Variants in NIBAN2 observed in about 807,000 individuals in gnomAD.
NIBAN2 encodes the protein niban apoptosis regulator 2.
In NIBAN2, 36 loss-of-function variants were observed where a neutral mutation model predicts 81.8. The observed-to-expected ratio is 0.44, with a 90% CI of 0.34 to 0.58. The LOEUF (loss-of-function observed/expected upper bound fraction) is 0.58. Among genes scored for constraint, NIBAN2 ranks in the 20% least tolerant of loss-of-function variants. The pLI is 0.02. For synonymous variants in NIBAN2, 445 were observed against 441.6 expected (o/e 1.01, Z -0.10); for missense variants, 897 against 1,014.1 (o/e 0.88, Z 1.57).
At chr9:127,541,676 C>T (rs922925009) in intron 1 of NIBAN2, among the ~76,000 whole-genome samples, 2 of 152,102 alleles carry the variant, frequency 1.3e-5, no homozygotes, top group African/African-American at 4.8e-5. Flanking sequence ...AGAGCCTGAG[C>T]CAGCAGCCAG....
Position 127,508,748 on chromosome 9 carries a change from G to A in NIBAN2, c.1318-210C>T, listed in dbSNP as rs781001457. Among the ~76,000 whole-genome samples the A allele has an allele frequency of 9.2e-5, 14 of 152,014 alleles. No individual in the cohort carries two copies. The highest frequency in any genetic ancestry group is 1.3e-4 in the Admixed American group (2 of 15,260). ...GAAATATGGGAAGGGGCCTGGGGGC[G>A]CAAGGAGAGCTTCCTGGAGGAAGGG... is the stretch of plus-strand genomic sequence containing the variant. On this transcript the variant is annotated intron_variant, in intron 10 of 13. Coordinates refer to ENST00000373312, the MANE Select transcript of NIBAN2 (RefSeq NM_022833.4). This position sits in a 1 kb window ranked among gnomAD's most constrained non-coding sequence, Gnocchi z 6.4.
At chr9:127,540,374 C>G (rs1393197490) in intron 1 of NIBAN2, among the ~76,000 whole-genome samples, 2 of 152,014 alleles carry the variant, frequency 1.3e-5, no homozygotes, top group African/African-American at 2.4e-5. Flanking sequence ...AGGAAGGAGT[C>G]CAGGGGTTCT....
At chr9:127,524,769 A>C in intron 4 of NIBAN2, 1 of 311,768 alleles carries the variant, frequency 3.2e-6, no homozygotes, top group Non-Finnish European at 6.0e-6. Context: ...CTTCTAGGGA[A>C]TTTCAGCCAA....
intron 1 of NIBAN2, among the ~76,000 whole-genome samples, chr9:127,568,162 C>T (rs1321640330): frequency 1.3e-5 from 2 of 152,160 alleles, no homozygotes; most frequent in African/African-American, 2.4e-5. Flanking sequence ...AAGGGGCTGG[C>T]GACTGGCCCT....
rs1047669248 is a variant in NIBAN2 at position 127,559,329 on chromosome 9, T to C, written c.55+9491A>G. On this transcript the variant is annotated intron_variant, in intron 1 of 13. Coordinates refer to ENST00000373312, the MANE Select transcript of NIBAN2 (RefSeq NM_022833.4). The surrounding 1 kb of genome is among the most constrained non-coding windows in gnomAD (Gnocchi z 4.0). ...CCTGCTCTGTGCCTTCAGTGCAGCC[T>C]AAGGCCCACAGGTTCCTAAGGGGTC... is the stretch of plus-strand genomic sequence containing the variant. Among the ~76,000 whole-genome samples, 6 of 152,204 alleles carry C rather than the reference T, an allele frequency of 3.9e-5. No homozygotes were observed. Among genetic ancestry groups the C allele is most frequent in the African/African-American group, 1.4e-4 (6 of 41,458 alleles).
At position 127,531,849 on chromosome 9, in the gene NIBAN2, C is replaced by G. The variant is rs540879551; in HGVS notation, c.56-71G>C. The G allele has an allele frequency of 1.9e-6, 3 of 1,587,608 alleles. No individual in the cohort carries two copies. In the African/African-American group the frequency reaches 4.0e-5, roughly 21 times the overall value. ...GATGCATCACGATCCTTCCCCTAGG[C>G]AGGAGTGGCTGCAAAGCCCCAAATT... On this transcript the variant is annotated intron_variant, in intron 1 of 13. Coordinates refer to ENST00000373312, the MANE Select transcript of NIBAN2 (RefSeq NM_022833.4).
chr9:127,549,444 C>A (rs969108314), intron 1 of NIBAN2, among the ~76,000 whole-genome samples: 1 of 152,132 alleles, frequency 6.6e-6, no homozygotes, highest in Non-Finnish European at 1.5e-5. Context: ...TGCAGGCACA[C>A]ACACGCACAT....
intron 1 of NIBAN2, among the ~76,000 whole-genome samples, chr9:127,566,621 C>A (rs756200835): frequency 2.0e-5 from 3 of 152,140 alleles, no homozygotes; most frequent in Non-Finnish European, 4.4e-5. Flanking sequence ...CCTTGGAACC[C>A]TAACAGGCCT....
intron 1 of NIBAN2, among the ~76,000 whole-genome samples, chr9:127,567,227 C>T (rs1417809639): frequency 1.3e-5 from 2 of 151,990 alleles, no homozygotes; most frequent in South Asian, 2.1e-4. Context: ...GAATGCAAGG[C>T]ACACCCCACC....
chr9:127,578,857 T>TAAAC (rs1838041077), intron 1 of NIBAN2: 3 of 1,542,702 alleles, frequency 1.9e-6, no homozygotes, highest in East Asian at 2.3e-5. Flanking sequence ...ACCTCCTCTC[T>TAAAC]AAACAAACAA....
intron 1 of NIBAN2, among the ~76,000 whole-genome samples, chr9:127,547,589 G>A: frequency 6.6e-6 from 1 of 150,944 alleles, no homozygotes; most frequent in Non-Finnish European, 1.5e-5. Flanking sequence ...TGTAATCCCA[G>A]CACTTTGGGA....
chr9:127,576,000 G>A (rs113048670), intron 1 of NIBAN2, among the ~76,000 whole-genome samples: 2,207 of 152,132 alleles, frequency 0.015, 54 homozygotes, highest in African/African-American at 0.049. Context: ...CCTCCTTCAT[G>A]GCAAGCATCA....
intron 8 of NIBAN2, among the ~76,000 whole-genome samples, chr9:127,515,538 A>C (rs13285907): frequency 1.9e-5 from 1 of 52,634 alleles, no homozygotes; most frequent in Non-Finnish European, 4.6e-5. Context: ...AAAAAAAAAA[A>C]ACAAACAAAA....
Position 127,523,839 on chromosome 9 carries a change from C to T in NIBAN2, c.429G>A (p.Thr143=), listed in dbSNP as rs141182179. The change falls in exon 5 of 14, where the codon ACG becomes ACA. Residue 143 remains threonine, a synonymous_variant. Transcript: ENST00000373312. ...GGATGGGGGCACTGCCCGACTTTGC[C>T]GTGGTCCCTGTGGAGACAGTGCCTG... ...ELIGNSLPGT[T]AKSGSAPILK... is the part of the protein sequence containing the mutation. The T allele has an allele frequency of 2.7e-5, 43 of 1,611,160 alleles. No homozygotes were observed. Among genetic ancestry groups the T allele is most frequent in the East Asian group, 6.7e-5 (3 of 44,788 alleles).
chr9:127,568,095 G>A (rs532184901), intron 1 of NIBAN2, among the ~76,000 whole-genome samples: 2 of 152,320 alleles, frequency 1.3e-5, no homozygotes, highest in Admixed American at 1.3e-4. Context: ...GTCCCTGGGA[G>A]AAGTGGCCAC....
intron 2 of NIBAN2, among the ~76,000 whole-genome samples, chr9:127,530,920 T>TG (rs1837167177): frequency 6.6e-6 from 1 of 152,208 alleles, no homozygotes; most frequent in Non-Finnish European, 1.5e-5. Flanking sequence ...GGCTCACGCC[T>TG]GTAATCCCAG....
At chr9:127,549,178 G>A in intron 1 of NIBAN2, among the ~76,000 whole-genome samples, 1 of 152,188 alleles carries the variant, frequency 6.6e-6, no homozygotes, top group Admixed American at 6.5e-5. Flanking sequence ...AATGGAAAAG[G>A]ACTAAACTCG....
At chr9:127,540,736 G>A (rs1037682761) in intron 1 of NIBAN2, among the ~76,000 whole-genome samples, 6 of 152,216 alleles carry the variant, frequency 3.9e-5, no homozygotes, top group African/African-American at 1.4e-4. Flanking sequence ...CTCCAGCTGC[G>A]ACCACATCCA....
chr9:127,537,661 A>G (rs1311408789), intron 1 of NIBAN2, among the ~76,000 whole-genome samples: 1 of 152,170 alleles, frequency 6.6e-6, no homozygotes, highest in African/African-American at 2.4e-5. Flanking sequence ...GCTTTCTGCC[A>G]GCAGGAGGTA....
Sources: allele counts gnomAD v4.1 joint callset (sites outside exome capture counted in the v4.1 genomes callset), GRCh38; gene constraint gnomAD v4.1.1; non-coding constraint Gnocchi (gnomAD v3.1); transcripts MANE v1.5; gene names NCBI Gene and HGNC (gene_info 2026-07-23, HGNC 2026-07-21).